UBN1: variants seen among roughly 807,000 people sequenced by gnomAD.
UBN1 encodes ubinuclein 1.
A neutral mutation model predicts 108.5 loss-of-function variants in UBN1; 17 were observed. The observed-to-expected ratio is 0.16, with a 90% CI of 0.11 to 0.24. UBN1 has a LOEUF of 0.24. UBN1 is among the 10% of genes least tolerant of loss of function. The pLI is 1.00. For missense variants in UBN1, 1,595 were observed against 1,394.4 expected (o/e 1.14, Z -2.29); for synonymous variants, 726 against 564.2 (o/e 1.29, Z -4.07).
intron 2 of UBN1, among the ~76,000 whole-genome samples, chr16:4,855,097 A>G (rs535444386): frequency 1.1e-4 from 17 of 152,278 alleles, no homozygotes; most frequent in African/African-American, 4.1e-4. Flanking sequence ...AGTGGGCCCC[A>G]CACTCGCAGC....
At chr16:4,860,380 C>T (rs2087002808) in intron 6 of UBN1, among the ~76,000 whole-genome samples, 1 of 152,226 alleles carries the variant, frequency 6.6e-6, no homozygotes, top group Admixed American at 6.5e-5. Flanking sequence ...TTCTTGCTCT[C>T]CCTGCCCCTT....
chr16:4,880,418 T>C lies in UBN1; in HGVS notation c.*286T>C. On this transcript the variant is annotated 3_prime_UTR_variant, in exon 18 of 18. Coordinates refer to ENST00000262376, the MANE Select transcript of UBN1 (RefSeq NM_001079514.3). ...GGCTGGGGCTTGCGCTGGGCCGTGGTGGGAGGCACAGTGTTTACAGGCTCT... is the reference window on the plus strand; with the variant it reads ...GGCTGGGGCTTGCGCTGGGCCGTGGCGGGAGGCACAGTGTTTACAGGCTCT... 2.5e-6 allele frequency: 1 copy of C among 395,124 alleles called. No individual in the cohort carries two copies. Among genetic ancestry groups the C allele is most frequent in the Non-Finnish European group, 4.8e-6 (1 of 210,404 alleles). 24.5% of individuals were successfully genotyped at this position (395,124 alleles called of 1,614,324 possible).
At position 4,859,745 on chromosome 16, in the gene UBN1, C is replaced by T. The variant is rs922563708; in HGVS notation, c.568-120C>T. The T allele has an allele frequency of 8.1e-6, 12 of 1,478,874 alleles. No homozygotes were observed. In the African/African-American group the frequency reaches 1.0e-4, roughly 12 times the overall value. The allele number at this position is 1,478,874 out of a possible 1,614,324, so 91.6% of individuals were successfully genotyped here. ...AGGGACTGATCTGAGAGCTTTTGTT[C>T]ATGAAGGAAATGAGACAGGTCTCAG... On this transcript the variant is annotated intron_variant, in intron 5 of 17. Coordinates refer to ENST00000262376, the MANE Select transcript of UBN1 (RefSeq NM_001079514.3).
intron 2 of UBN1, among the ~76,000 whole-genome samples, chr16:4,856,105 T>C (rs1417609992): frequency 6.6e-6 from 1 of 152,234 alleles, no homozygotes; most frequent in Non-Finnish European, 1.5e-5. Context: ...AATGGTATCT[T>C]CTTCCTTTAG....
intron 6 of UBN1, 48 bp downstream of exon 6, chr16:4,860,016 G>A: frequency 6.2e-7 from 1 of 1,608,136 alleles, no homozygotes; most frequent in Non-Finnish European, 8.5e-7. Context: ...AACTGTTAGG[G>A]CAGGACGACT....
intron 12 of UBN1, among the ~76,000 whole-genome samples, chr16:4,872,535 C>G (rs574333804): frequency 2.0e-5 from 3 of 152,222 alleles, no homozygotes; most frequent in African/African-American, 7.2e-5. Context: ...ATGGCACGAT[C>G]TCGGCTCACT....
chr16:4,871,122 G>T, intron 11 of UBN1, 33 bp from the exon 12 acceptor site: 2 of 1,613,030 alleles, frequency 1.2e-6, no homozygotes, highest in Non-Finnish European at 1.7e-6. Flanking sequence ...ATCTGAAGTA[G>T]TTTGGAGTTT....
rs1011976879 is a variant in UBN1 at position 4,847,851 on chromosome 16, C to G, written c.-399C>G. ...GTCCGCGCCCGTCCGCTCCCGCCGC[C>G]CGTGTTCTTTGGAGCGCTCCTCCCG... On this transcript the variant is annotated 5_prime_UTR_variant, in exon 1 of 18. Transcript: ENST00000262376. 2 of 153,000 alleles carry G rather than the reference C, an allele frequency of 1.3e-5. No homozygotes were observed. Among genetic ancestry groups the G allele is most frequent in the African/African-American group, 4.8e-5 (2 of 41,472 alleles). 9.5% of individuals were successfully genotyped at this position (153,000 alleles called of 1,614,324 possible). A position where few individuals can be genotyped will look rare whatever the true frequency, so the allele number is the denominator to read the frequency against.
Position 4,870,225 on chromosome 16 carries a change from A to G in UBN1, c.1195A>G (p.Thr399Ala), listed in dbSNP as rs1157558708. 4 of 1,614,148 alleles carry G rather than the reference A, an allele frequency of 2.5e-6. No individual in the cohort carries two copies. Among genetic ancestry groups the G allele is most frequent in the Non-Finnish European group, 3.4e-6 (4 of 1,180,028 alleles). ...NGILLDIEAQTRELSSQVRSG... is the reference protein window; with the variant it reads ...NGILLDIEAQARELSSQVRSG... ...TTTGTTCTTCAGCATAGAGGCGCAG[A>G]CTCGGGAGCTGAGCAGTCAGGTCCG... The change falls in exon 9 of 18, where the codon ACT becomes GCT. Residue 399 changes from threonine (T) to alanine (A), a missense_variant. Thr to Ala is a moderately conservative substitution (Grantham distance 58). Around this residue, in one of 3 missense-constraint regions of UBN1, gnomAD observed 1,398 missense variants for 1,194.7 expected, o/e 1.17. Coordinates refer to ENST00000262376, the MANE Select transcript of UBN1 (RefSeq NM_001079514.3).
At chr16:4,876,826 C>T (rs770753601) in intron 15 of UBN1, 45 bp from the exon 16 acceptor site, 18 of 1,531,720 alleles carry the variant, frequency 1.2e-5, no homozygotes, top group South Asian at 7.8e-5. Context: ...GAGTGAGCCA[C>T]GAACAGGACT....
chr16:4,863,171 T>C (rs1232759521), intron 7 of UBN1, among the ~76,000 whole-genome samples: 1 of 152,202 alleles, frequency 6.6e-6, no homozygotes, highest in Non-Finnish European at 1.5e-5. Flanking sequence ...GTAATTATAG[T>C]TGTGAATAAC....
intron 7 of UBN1, among the ~76,000 whole-genome samples, chr16:4,866,982 G>A (rs1171593241): frequency 1.3e-5 from 2 of 152,272 alleles, no homozygotes; most frequent in African/African-American, 2.4e-5. Context: ...ATAGGAAGCA[G>A]ACTGGAGGCA....
At chr16:4,850,326 G>C (rs2086497611) in intron 1 of UBN1, among the ~76,000 whole-genome samples, 1 of 152,192 alleles carries the variant, frequency 6.6e-6, no homozygotes, top group South Asian at 2.1e-4. Flanking sequence ...GATTGAAGCT[G>C]CAGTCTCTCA....
chr16:4,852,856 G>C, intron 1 of UBN1, 23 bp from the exon 2 acceptor site: 3 of 1,542,028 alleles, frequency 1.9e-6, no homozygotes, highest in Non-Finnish European at 2.6e-6. Context: ...GTTTGACCTG[G>C]CCCTTCTTTT....
chr16:4,855,227 G>T (rs1280169977), intron 2 of UBN1, among the ~76,000 whole-genome samples: 1 of 152,220 alleles, frequency 6.6e-6, no homozygotes, highest in Admixed American at 6.5e-5. Flanking sequence ...GTATGCCTCA[G>T]TGCCAAGTGA....
chr16:4,873,175 G>A (rs1173684949), intron 14 of UBN1, 102 bp downstream of exon 14: 15 of 1,508,582 alleles, frequency 9.9e-6, no homozygotes, highest in East Asian at 6.8e-5. Flanking sequence ...ATCTTTGCTC[G>A]TCTGGGGACA....
In UBN1 at chr16:4,878,199, C is replaced by G. The variant is rs183487566; in HGVS notation, c.3355+725C>G. Among the ~76,000 whole-genome samples, 17 of 152,296 alleles carry G rather than the reference C, an allele frequency of 1.1e-4. No homozygotes were observed. The East Asian group carries it at 3.1e-3, about 28-fold the overall frequency. ...TGAGTGCGTCTGCCTCACCCTATCC[C>G]GAGTCTGCGATTCTTGGGTACGCCT... is the stretch of plus-strand genomic sequence containing the variant. On this transcript the variant is annotated intron_variant, in intron 17 of 17. Coordinates refer to ENST00000262376, the MANE Select transcript of UBN1 (RefSeq NM_001079514.3).
chr16:4,871,252 C>G lies in UBN1; in HGVS notation c.1657C>G (p.Leu553Val). 6.2e-7 allele frequency: 1 copy of G among 1,614,192 alleles called. No homozygotes were observed. Among genetic ancestry groups the G allele is most frequent in the Non-Finnish European group, 8.5e-7 (1 of 1,180,032 alleles). The change falls in exon 12 of 18, where the codon CTG becomes GTG. Residue 553 changes from leucine (L) to valine (V), a missense_variant. Leu to Val is a conservative substitution (Grantham distance 32, BLOSUM62 1). Around this residue, in one of 3 missense-constraint regions of UBN1, gnomAD observed 1,398 missense variants for 1,194.7 expected, o/e 1.17. Transcript: ENST00000262376. ...TTGGGAGGACTGTGTGAAGGGCTTT[C>G]TGGATGCGGAAGTCAAGCCCCTCTG... ...QAWEDCVKGF[L>V]DAEVKPLWPK...
intron 15 of UBN1, among the ~76,000 whole-genome samples, chr16:4,875,799 C>G (rs2087854501): frequency 6.6e-6 from 1 of 152,148 alleles, no homozygotes; most frequent in Admixed American, 6.5e-5. Context: ...TGTCTTCTAT[C>G]AGTTGAGTCA....
Sources: allele counts gnomAD v4.1 joint callset (sites outside exome capture counted in the v4.1 genomes callset), GRCh38; gene constraint gnomAD v4.1.1; regional missense constraint gnomAD v4.1.1; transcripts MANE v1.5; gene names NCBI Gene and HGNC (gene_info 2026-07-23, HGNC 2026-07-21).